FLII: variants seen among roughly 807,000 people sequenced by gnomAD.
The protein encoded by FLII is FLII actin remodeling protein.
Under a neutral mutation model 156.2 loss-of-function variants are expected in FLII, and 101 were observed. The ratio of observed to expected loss-of-function variants is 0.65; its 90% CI spans 0.55 to 0.76. FLII has a LOEUF of 0.76. FLII is among the 30% of genes least tolerant of loss of function. The pLI, the probability that FLII is intolerant of heterozygous loss-of-function variation, is 0.00. For missense variants in FLII, 1,675 were observed against 1,682.8 expected, an observed-to-expected ratio of 1.00 and a Z score of 0.08; for synonymous variants, 767 against 685.8, an observed-to-expected ratio of 1.12 and a Z score of -1.85.
rs200998752 is a variant in FLII, at chr17:18,246,455, C to A, written c.3059G>T (p.Arg1020Leu). 6.2e-7 allele frequency: 1 copy of A among 1,613,754 alleles called. No individual in the cohort carries two copies. Among genetic ancestry groups the A allele is most frequent in the African/African-American group, 1.3e-5 (1 of 74,908 alleles). Residue 1020 changes from arginine (R) to leucine (L), a missense_variant, in exon 24 of 30, where the codon CGC (arginine) becomes CTC (leucine). By Grantham distance (102) the Arg-to-Leu change is moderately radical (BLOSUM62 -2). This residue lies in a region of FLII where 1,332 missense variants were observed against 1,269.3 expected (regional missense o/e 1.05). Transcript: ENST00000327031. ...SLFPGKLEVV[R>L]MTQQQENPKF... ...GGGGTTCTCCTGCTGCTGCGTCATG[C>A]GTACCACCTGGGGATGTGGAAGTGT...
chr17:18,248,293 G>A (rs1221676869), intron 18 of FLII, among the ~76,000 whole-genome samples: 2 of 152,070 alleles, frequency 1.3e-5, no homozygotes, highest in East Asian at 1.9e-4. Flanking sequence ...CTAGATAATT[G>A]AGCCAAGGTT....
Position 18,248,423 on chromosome 17 carries a change from A to G in FLII, c.2190+127T>C, listed in dbSNP as rs569090572. On this transcript the variant is annotated intron_variant, in intron 18 of 29. Coordinates refer to ENST00000327031, the MANE Select transcript of FLII (RefSeq NM_002018.4). ...TTTGCTCATACTGTTCCTTGTCCAG[A>G]AGGTGGCACCCTCTCCCCACCAAAG... is the stretch of plus-strand genomic sequence containing the variant. 3.7e-4 allele frequency: 301 copies of G among 813,950 alleles called. 4 individuals carry two copies. The South Asian group carries it at 5.0e-3, about 14-fold the overall frequency. The allele number at this position is 813,950 out of a possible 1,614,324, so 50.4% of individuals were successfully genotyped here.
intron 4 of FLII, 58 bp from the exon 5 acceptor site, chr17:18,254,912 C>A: frequency 6.4e-7 from 1 of 1,562,366 alleles, no homozygotes; most frequent in South Asian, 1.1e-5. Context: ...AGGCGTCTGC[C>A]AAGCTTGGGG....
At chr17:18,257,255 C>G in intron 1 of FLII, 1 of 491,546 alleles carries the variant, frequency 2.0e-6, no homozygotes. Context: ...ATTCTGGGCC[C>G]CAGGAGGGCC....
At position 18,248,889 on chromosome 17, in the gene FLII, C is replaced by G. The variant is rs1339992186; in HGVS notation, c.1935-6G>C. Reference sequence around the variant, plus strand: ...GGTCCAGCAGGAAAACAAACCTGGACAAGAAGGGGCAGGAAGGAGCTGTGA... The same window carrying G: ...GGTCCAGCAGGAAAACAAACCTGGAGAAGAAGGGGCAGGAAGGAGCTGTGA... On this transcript the variant is annotated splice_region_variant and splice_polypyrimidine_tract_variant and intron_variant, in intron 16 of 29. Transcript: ENST00000327031. The G allele has an allele frequency of 6.2e-7, 1 of 1,612,592 alleles. No individual in the cohort carries two copies.
In FLII at chr17:18,254,750, C is replaced by G. The variant is rs772677037; in HGVS notation, c.413+19G>C. ...CCCCACAGGGCCCACCTGCCCCCTG[C>G]CCCCCACTGGCCTGGCACCTGTTGT... On this transcript the variant is annotated intron_variant, in intron 5 of 29. Coordinates refer to ENST00000327031, the MANE Select transcript of FLII (RefSeq NM_002018.4). 1.2e-6 allele frequency: 2 copies of G among 1,613,768 alleles called. No individual in the cohort carries two copies. The highest frequency in any genetic ancestry group is 1.7e-6 in the Non-Finnish European group (2 of 1,179,876).
chr17:18,249,267 C>T lies in FLII; in HGVS notation c.1859+59G>A. 3 of 1,610,166 alleles carry T rather than the reference C, an allele frequency of 1.9e-6. No individual in the cohort carries two copies. The Middle Eastern group carries it at 5.0e-4, about 266-fold the overall frequency. ...GCCTAACTTAGCCCCAACACCCTCC[C>T]CTCCACCCCTTGCCAGCAGACTCCA... On this transcript the variant is annotated intron_variant, in intron 15 of 29. Coordinates refer to ENST00000327031, the MANE Select transcript of FLII (RefSeq NM_002018.4).
At position 18,252,536 on chromosome 17, in the gene FLII, A is replaced by G; in HGVS notation, c.1034T>C (p.Leu345Pro). Reference protein sequence around the residue: ...SLCRCPKLRKLVLNKNHLVTL... With the variant: ...SLCRCPKLRKPVLNKNHLVTL... ...CACCAGGTGGTTCTTGTTCAGGACA[A>G]GTTTCCTCAGCTTTGGGCACCTGTG... The change falls in exon 10 of 30, where the codon CTT becomes CCT. Residue 345 changes from leucine to proline, a missense_variant. By Grantham distance (98) the Leu-to-Pro change is moderately conservative. Around this residue, in one of 2 missense-constraint regions of FLII, gnomAD observed 1,332 missense variants for 1,269.3 expected, o/e 1.05. Coordinates refer to ENST00000327031, the MANE Select transcript of FLII (RefSeq NM_002018.4). 6.2e-7 allele frequency: 1 copy of G among 1,613,650 alleles called. No homozygotes were observed. The highest frequency in any genetic ancestry group is 8.5e-7 in the Non-Finnish European group (1 of 1,179,986).
intron 12 of FLII, 66 bp downstream of exon 12, chr17:18,251,602 TGGCCAGGGTCAA>T (rs1277503433): frequency 6.2e-7 from 1 of 1,600,856 alleles, no homozygotes; most frequent in African/African-American, 1.3e-5. Context: ...CCGTCCCTCT[TGGCCAGGGTCAA>T]GGCCAGGGTC....
chr17:18,247,693 G>A lies in FLII; in HGVS notation c.2451C>T (p.Ala817=). ...TGCCCTCGAGGCTGCGGCTGACCGT[G>A]GCATGGCGTGGCCGGTGCAGCATCC... ...LCGMLHRPRH[A]TVSRSLEGTE... Residue 817 remains alanine (A), a synonymous_variant, in exon 20 of 30, where the codon GCC becomes GCT. Transcript: ENST00000327031. 3.1e-6 allele frequency: 5 copies of A among 1,599,174 alleles called. No homozygotes were observed. The highest frequency in any genetic ancestry group is 4.2e-6 in the Non-Finnish European group (5 of 1,177,590).
intron 1 of FLII, 182 bp from the exon 2 acceptor site, chr17:18,257,201 C>T: frequency 1.8e-6 from 1 of 551,984 alleles, no homozygotes; most frequent in Admixed American, 3.4e-5. Flanking sequence ...TTTTAAGCCC[C>T]CCCGTGACAA....
intron 12 of FLII, 35 bp from the exon 13 acceptor site, chr17:18,251,512 G>T: frequency 6.3e-7 from 1 of 1,578,926 alleles, no homozygotes; most frequent in Non-Finnish European, 8.6e-7. Flanking sequence ...GCTTGACTCT[G>T]TGAAGCCACT....
intron 21 of FLII, 46 bp downstream of exon 21, chr17:18,247,123 G>GGGGGGGGGGGCGCCCCC: frequency 8.0e-7 from 1 of 1,249,072 alleles, no homozygotes; most frequent in Non-Finnish European, 1.0e-6. Context: ...CCCTCGGCCT[G>GGGGGGGGGGGCGCCCCC]CCCCCCACCC....
At chr17:18,246,134 G>A (rs776807517) in intron 25 of FLII, 28 bp downstream of exon 25, 5 of 1,614,018 alleles carry the variant, frequency 3.1e-6, no homozygotes, top group Non-Finnish European at 4.2e-6. Context: ...TTGGTCCACG[G>A]AGTCCTGGCT....
Position 18,247,125 on chromosome 17 carries a change from CCCCCA to C in FLII, c.2676+39_2676+43del, listed in dbSNP as rs751859462. On this transcript the variant is annotated intron_variant, in intron 21 of 29. Transcript: ENST00000327031. ...CGCATAGGCCCCGCCCTCGGCCTGC[CCCCCA>C]CCCCCCCCCCCGCGCCCCGGTCCCG... is the stretch of plus-strand genomic sequence containing the variant. 2.7e-4 allele frequency: 201 copies of C among 731,840 alleles called. 3 individuals are homozygous for C. The highest frequency in any genetic ancestry group is 1.2e-3 in the Middle Eastern group (3 of 2,506). The allele number at this position is 731,840 out of a possible 1,614,324, so 45.3% of individuals were successfully genotyped here. A position where few individuals can be genotyped will look rare whatever the true frequency, so the allele number is the denominator to read the frequency against.
In FLII at chr17:18,256,929, G is replaced by C; in HGVS notation, c.154C>G (p.Leu52Val). 6.2e-7 allele frequency: 1 copy of C among 1,609,990 alleles called. No individual in the cohort carries two copies. Among genetic ancestry groups the C allele is most frequent in the South Asian group, 1.1e-5 (1 of 90,122 alleles). Reference protein sequence around the residue: ...RTGLCYLPEELAALQKLEHLS... With the variant: ...RTGLCYLPEEVAALQKLEHLS... The stretch of plus-strand genomic sequence containing the variant: ...CTTACCAGCTTCTGCAGGGCGGCCA[G>C]CTCCTCGGGCAGGTAGCAGAGGCCA... Residue 52 changes from leucine (L) to valine (V), a missense_variant, in exon 2 of 30, where the codon CTG becomes GTG. Leu to Val is a conservative substitution (Grantham distance 32). This residue lies in a region of FLII where 343 missense variants were observed against 413.5 expected (regional missense o/e 0.83). Coordinates refer to ENST00000327031, the MANE Select transcript of FLII (RefSeq NM_002018.4).
At chr17:18,251,161 C>A in intron 13 of FLII, 104 bp downstream of exon 13, 1 of 1,439,504 alleles carries the variant, frequency 6.9e-7, no homozygotes, top group Non-Finnish European at 9.5e-7. Flanking sequence ...AGCCTGCCCA[C>A]CTCCCACCTG....
intron 7 of FLII, 102 bp from the exon 8 acceptor site, chr17:18,253,821 G>T: frequency 8.2e-7 from 1 of 1,212,170 alleles, no homozygotes; most frequent in Non-Finnish European, 1.1e-6. Context: ...GAGCTGTGTG[G>T]CTTAGGCAAG....
Position 18,249,153 on chromosome 17 carries a change from G to A in FLII, c.1908C>T (p.Pro636=), listed in dbSNP as rs773389431. ...GKKNIKLEPV[P]LKGTSLDPRF... is the part of the protein sequence containing the mutation. Reference sequence around the variant, plus strand: ...TTGGGTCCAGAGAGGTCCCCTTGAGGGGCACAGGCTCCAACTTGATGTTCT... The same window carrying A: ...TTGGGTCCAGAGAGGTCCCCTTGAGAGGCACAGGCTCCAACTTGATGTTCT... Residue 636 remains proline, a synonymous_variant, in exon 16 of 30, where the codon CCC becomes CCT. Transcript: ENST00000327031. 47 of 1,613,996 alleles carry A rather than the reference G, an allele frequency of 2.9e-5. 1 individual carries two copies. The South Asian group carries it at 4.7e-4, about 16-fold the overall frequency.
Sources: allele counts gnomAD v4.1 joint callset (sites outside exome capture counted in the v4.1 genomes callset), GRCh38; gene constraint gnomAD v4.1.1; regional missense constraint gnomAD v4.1.1; transcripts MANE v1.5; gene names NCBI Gene and HGNC (gene_info 2026-07-23, HGNC 2026-07-21).